The following DDX1 variants were observed in gnomAD, a reference collection of about 807,000 sequenced individuals.
The protein encoded by DDX1 is ATP-dependent RNA helicase DDX1.
In DDX1, 28 loss-of-function variants were observed where a neutral mutation model predicts 108.7. That is an observed-to-expected ratio of 0.26 (90% CI 0.19 to 0.35). The LOEUF (loss-of-function observed/expected upper bound fraction) is 0.35. DDX1 is among the 10% of genes least tolerant of loss of function. The pLI is 1.00. For synonymous variants in DDX1, 295 were observed against 288.9 expected, an observed-to-expected ratio of 1.02 and a Z score of -0.21; for missense variants, 710 against 884.5, an observed-to-expected ratio of 0.80 and a Z score of 2.50.
At position 15,630,813 on chromosome 2, in the gene DDX1, T is replaced by C; in HGVS notation, c.2130T>C (p.Pro710=). The C allele has an allele frequency of 6.2e-7, 1 of 1,614,044 alleles. No individual in the cohort carries two copies. The highest frequency in any genetic ancestry group is 1.3e-5 in the African/African-American group (1 of 75,062). Residue 710 remains proline, a synonymous_variant, in exon 26 of 26, where the codon CCT becomes CCC. Coordinates refer to ENST00000233084, the MANE Select transcript of DDX1 (RefSeq NM_004939.3). The stretch of plus-strand genomic sequence containing the variant: ...AAGGCCATGTGGATATTTTGGCACC[T>C]ACTGTTCAAGAGTTGGCTGCCCTTG... ...SYKGHVDILA[P]TVQELAALEK... is the part of the protein sequence containing the mutation.
At chr2:15,611,738 G>T (rs1665766497) in intron 13 of DDX1, among the ~76,000 whole-genome samples, 1 of 109,386 alleles carries the variant, frequency 9.1e-6, no homozygotes, top group African/African-American at 4.3e-5. Flanking sequence ...CGGGCGGGGG[G>T]CTGACCCCCC....
intron 1 of DDX1, among the ~76,000 whole-genome samples, chr2:15,593,156 A>G (rs1354042342): frequency 6.6e-6 from 1 of 152,180 alleles, no homozygotes; most frequent in East Asian, 1.9e-4. Context: ...TCCTGACCTC[A>G]GGTGATCCGC....
At chr2:15,627,351 A>G in intron 20 of DDX1, 1 of 364,676 alleles carries the variant, frequency 2.7e-6, no homozygotes, top group South Asian at 6.2e-5. Context: ...TCAGCATAAC[A>G]CTACTATAAC....
rs748879411 is a variant in DDX1 at position 15,606,005 on chromosome 2, C to G, written c.681C>G (p.Leu227=). The G allele has an allele frequency of 6.9e-6, 11 of 1,589,480 alleles. No individual in the cohort carries two copies. Among genetic ancestry groups the G allele is most frequent in the African/African-American group, 1.4e-5 (1 of 73,454 alleles). The change falls in exon 11 of 26, where the codon CTC becomes CTG. Residue 227 remains leucine, a synonymous_variant. Transcript: ENST00000233084. ...CACCACATATGAAAAACCAAGCCCT[C>G]TTTCCTGCCTGTGTTTTGAAGGTAA... ...EIPPHMKNQA[L]FPACVLKNAE... is the part of the protein sequence containing the mutation.
intron 8 of DDX1, 134 bp from the exon 9 acceptor site, chr2:15,603,680 T>G: frequency 1.5e-6 from 1 of 660,604 alleles, no homozygotes; most frequent in Non-Finnish European, 2.6e-6. Flanking sequence ...TTTTGCAGGA[T>G]TCAGAAACTT....
intron 19 of DDX1, among the ~76,000 whole-genome samples, chr2:15,624,847 T>C (rs1666072870): frequency 6.6e-6 from 1 of 152,164 alleles, no homozygotes; most frequent in Admixed American, 6.5e-5. Flanking sequence ...TTGTTGAGAA[T>C]AGATTGTTGG....
intron 9 of DDX1, 142 bp from the exon 10 acceptor site, chr2:15,604,295 A>G (rs534520259): frequency 3.3e-6 from 2 of 615,280 alleles, no homozygotes; most frequent in East Asian, 5.5e-5. Context: ...AAATGCTTGT[A>G]CTATTGTATA....
rs553595724 is a variant in DDX1 at position 15,606,812 on chromosome 2, C to T, written c.818-363C>T. 1.1e-4 allele frequency among the ~76,000 whole-genome samples: 17 copies of T among 152,076 alleles called. No individual in the cohort carries two copies. The South Asian group carries it at 3.5e-3, about 32-fold the overall frequency. On this transcript the variant is annotated intron_variant, in intron 12 of 25. Transcript: ENST00000233084. ...ACATATCAATCAATTAGAATTATTCCAAGTAGATTTTTATTGTTGTTTTAA... is the reference window on the plus strand; with the variant it reads ...ACATATCAATCAATTAGAATTATTCTAAGTAGATTTTTATTGTTGTTTTAA...
At chr2:15,596,121 A>G (rs1370183982) in intron 3 of DDX1, among the ~76,000 whole-genome samples, 1 of 152,156 alleles carries the variant, frequency 6.6e-6, no homozygotes, top group African/African-American at 2.4e-5. Context: ...TCCCAGCCTC[A>G]AGCGATCCTC....
At chr2:15,612,762 C>T (rs1414251083) in intron 13 of DDX1, among the ~76,000 whole-genome samples, 4 of 152,230 alleles carry the variant, frequency 2.6e-5, no homozygotes, top group African/African-American at 7.2e-5. Flanking sequence ...CCCGGCACCT[C>T]GGGAGGCCGA....
chr2:15,627,612 G>T, intron 20 of DDX1: 1 of 154,454 alleles, frequency 6.5e-6, no homozygotes, highest in South Asian at 2.0e-4. Context: ...GGGTCATATA[G>T]CTCTTGGTGT....
In DDX1 at chr2:15,620,410, A is replaced by AAT. The variant is rs752967524; in HGVS notation, c.1395+17_1395+18dup. ...AGCCACATTAGAGTAAGTGGTTTAT[A>AAT]ATATTAACATTTATGTAGAATAAAG... is the stretch of plus-strand genomic sequence containing the variant. On this transcript the variant is annotated intron_variant, in intron 17 of 25. Transcript: ENST00000233084. 3.1e-6 allele frequency: 5 copies of AAT among 1,595,184 alleles called. No individual in the cohort carries two copies. The highest frequency in any genetic ancestry group is 1.4e-5 in the African/African-American group (1 of 73,676).
chr2:15,599,536 C>G, intron 5 of DDX1, 133 bp from the exon 6 acceptor site: 1 of 509,122 alleles, frequency 2.0e-6, no homozygotes, highest in East Asian at 3.4e-5. Context: ...TGGTCTTGAA[C>G]TCCTGACCTC....
chr2:15,615,512 A>G (rs1665878759), intron 14 of DDX1, among the ~76,000 whole-genome samples: 1 of 151,028 alleles, frequency 6.6e-6, no homozygotes, highest in African/African-American at 2.4e-5. Context: ...GACAGATTTT[A>G]TCTTCACATT....
At position 15,623,469 on chromosome 2, in the gene DDX1, G is replaced by A. The variant is rs1042254947; in HGVS notation, c.1481G>A (p.Gly494Glu). 7 of 1,613,470 alleles carry A rather than the reference G, an allele frequency of 4.3e-6. No individual in the cohort carries two copies. Among genetic ancestry groups the A allele is most frequent in the Admixed American group, 1.7e-5 (1 of 60,000 alleles). Residue 494 changes from glycine (G) to glutamate (E), a missense_variant, in exon 19 of 26, where the codon GGG becomes GAG. Physicochemically the swap from Gly to Glu is moderately conservative, Grantham distance 98. Around this residue, in one of 3 missense-constraint regions of DDX1, gnomAD observed 661 missense variants for 810.2 expected, o/e 0.82. Coordinates refer to ENST00000233084, the MANE Select transcript of DDX1 (RefSeq NM_004939.3). ...TCTGAAGCTATTAAAATCCTGAAAG[G>A]GGAGTATGCTGTCCGGGCAATCAAG... The part of the protein sequence containing the change: ...MWSEAIKILK[G>E]EYAVRAIKEH...
chr2:15,621,223 T>A (rs1270202858), intron 18 of DDX1, 107 bp downstream of exon 18: 1 of 764,928 alleles, frequency 1.3e-6, no homozygotes, highest in African/African-American at 1.8e-5. Flanking sequence ...AACAGGAAAT[T>A]TGGAAATAAA....
intron 19 of DDX1, among the ~76,000 whole-genome samples, chr2:15,624,121 G>A (rs991482053): frequency 6.6e-5 from 10 of 152,122 alleles, no homozygotes; most frequent in African/African-American, 2.4e-4. Flanking sequence ...CTAGCAATAC[G>A]CTGTTTACAT....
At chr2:15,601,924 A>G (rs1665594627) in intron 6 of DDX1, among the ~76,000 whole-genome samples, 1 of 152,236 alleles carries the variant, frequency 6.6e-6, no homozygotes, top group African/African-American at 2.4e-5. Flanking sequence ...GAGACTGATC[A>G]TGATGTATAG....
chr2:15,622,067 T>C (rs1476043007), intron 18 of DDX1, among the ~76,000 whole-genome samples: 1 of 152,248 alleles, frequency 6.6e-6, no homozygotes, highest in African/African-American at 2.4e-5. Context: ...GTTTCTCATA[T>C]CAGGAATATT....
Sources: gnomAD v4.1 joint callset for allele counts (sites outside exome capture counted in the v4.1 genomes callset) on GRCh38, gnomAD v4.1.1 for gene constraint, gnomAD v4.1.1 regional missense constraint, MANE v1.5 for transcripts, NCBI Gene and HGNC (gene_info 2026-07-23, HGNC 2026-07-21) for gene names.